The following SMG6 variants were observed in gnomAD, a reference collection of about 807,000 sequenced individuals.
The protein encoded by SMG6 is SMG6 nonsense mediated mRNA decay factor, also known as telomerase-binding protein EST1A.
SMG6 carries 66 observed loss-of-function variants against 142.2 expected under a neutral mutation model. That is an observed-to-expected ratio of 0.46 (90% CI 0.38 to 0.57). SMG6 has a LOEUF of 0.57. Ranked by LOEUF, SMG6 falls within the 20% of genes least tolerant of loss-of-function variation. The pLI, the probability that SMG6 is intolerant of heterozygous loss-of-function variation, is 0.00. For synonymous variants in SMG6, 779 were observed against 702.4 expected (o/e 1.11, Z -1.72); for missense variants, 1,793 against 1,832.0 (o/e 0.98, Z 0.39).
intron 9 of SMG6, among the ~76,000 whole-genome samples, chr17:2,243,579 G>A (rs561644242): frequency 6.6e-6 from 1 of 152,294 alleles, no homozygotes; most frequent in Admixed American, 6.5e-5. Flanking sequence ...TACTTGGGGG[G>A]CTGAGGCAGA....
chr17:2,232,521 C>T (rs2073526566), intron 10 of SMG6, among the ~76,000 whole-genome samples: 1 of 152,164 alleles, frequency 6.6e-6, no homozygotes, highest in Non-Finnish European at 1.5e-5. Context: ...CCCATGCACT[C>T]AGCAAATGCT....
intron 13 of SMG6, among the ~76,000 whole-genome samples, chr17:2,116,984 C>T (rs919121387): frequency 1.3e-5 from 2 of 152,008 alleles, no homozygotes; most frequent in African/African-American, 4.8e-5. Context: ...TATCATTACT[C>T]ATCAGGGAAA....
chr17:2,223,024 G>A (rs967416023), intron 10 of SMG6, among the ~76,000 whole-genome samples: 1 of 152,198 alleles, frequency 6.6e-6, no homozygotes, highest in African/African-American at 2.4e-5. Context: ...TCACAGGTGT[G>A]CCTCAAAGAA....
rs141765290 is a variant in SMG6 at position 2,196,384 on chromosome 17, C to T, written c.2870-7869G>A. Among the ~76,000 whole-genome samples, 712 of 152,256 alleles carry T rather than the reference C, an allele frequency of 4.7e-3. 1 individual carries two copies. The highest frequency in any genetic ancestry group is 7.3e-3 in the Non-Finnish European group (499 of 68,030). ...CGGAGGTTGCAGTGAGCCGAGAATG[C>T]GTCATTGCGCTTCAGCCTGGGTGAC... On this transcript the variant is annotated intron_variant, in intron 10 of 18. Transcript: ENST00000263073.
At chr17:2,177,646 C>T (rs1012533373) in intron 12 of SMG6, among the ~76,000 whole-genome samples, 1 of 152,080 alleles carries the variant, frequency 6.6e-6, no homozygotes, top group Non-Finnish European at 1.5e-5. Context: ...AGAACAAACC[C>T]GGAAAGAGTT....
intron 8 of SMG6, among the ~76,000 whole-genome samples, chr17:2,256,962 ATGTATG>A (rs2074196158): frequency 6.6e-6 from 1 of 151,678 alleles, no homozygotes; most frequent in Non-Finnish European, 1.5e-5. Context: ...GTATGTATGT[ATGTATG>A]TATGTATTTA....
intron 8 of SMG6, among the ~76,000 whole-genome samples, chr17:2,250,074 T>C (rs1166029078): frequency 6.6e-6 from 1 of 152,248 alleles, no homozygotes; most frequent in Non-Finnish European, 1.5e-5. Flanking sequence ...GTAGATGTTT[T>C]ACACAAGCCT....
intron 8 of SMG6, among the ~76,000 whole-genome samples, chr17:2,275,006 CAAAA>C (rs57628038): frequency 4.3e-5 from 5 of 115,916 alleles, no homozygotes; most frequent in Non-Finnish European, 3.9e-5. Context: ...AAAGCATGGG[CAAAA>C]AAAAAAAAAA....
Position 2,297,358 on chromosome 17 carries a change from A to AAAAAG in SMG6, c.2041-10_2041-6dup. 6.3e-7 allele frequency: 1 copy of AAAAAG among 1,581,280 alleles called. No homozygotes were observed. The highest frequency in any genetic ancestry group is 1.1e-5 in the South Asian group (1 of 87,244). ...ACTATCAAAGAAGTCACTACCCTATAAAAAGAAAAAAAGAAATGACTGAAT... is the reference window on the plus strand; with the variant it reads ...ACTATCAAAGAAGTCACTACCCTATAAAAAGAAAAGAAAAAAAGAAATGACTGAAT... On this transcript the variant is annotated splice_polypyrimidine_tract_variant and splice_region_variant and intron_variant, in intron 3 of 18. Coordinates refer to ENST00000263073, the MANE Select transcript of SMG6 (RefSeq NM_017575.5).
intron 18 of SMG6, among the ~76,000 whole-genome samples, chr17:2,064,591 C>G (rs72634004): frequency 0.11 from 16,334 of 152,092 alleles, 1,680 homozygotes; most frequent in East Asian, 0.58. Context: ...TGCCCCAGGC[C>G]TGAAATAGGG....
intron 13 of SMG6, chr17:2,122,215 T>C (rs2069724405): frequency 6.6e-6 from 1 of 151,996 alleles, no homozygotes; most frequent in South Asian, 2.1e-4. Context: ...ATAAGACAAA[T>C]ACAGTAAAAT....
At position 2,065,674 on chromosome 17, in the gene SMG6, T is replaced by TGATC. The variant is rs2067922303; in HGVS notation, c.3837_3840dup (p.Asn1281AspfsTer3). Reference sequence around the variant, plus strand: ...CCCTTGGCCAGGCCGTCCAGCTCATTGATCACTGATGAGATAGAGCCCCAC... The same window carrying TGATC: ...CCCTTGGCCAGGCCGTCCAGCTCATTGATCGATCACTGATGAGATAGAGCCCCAC... On this transcript the variant is annotated frameshift_variant, in exon 17 of 19. Transcript: ENST00000263073. LOFTEE classifies it high-confidence loss of function. The TGATC allele has an allele frequency of 1.2e-6, 2 of 1,611,574 alleles. No homozygotes were observed. Among genetic ancestry groups the TGATC allele is most frequent in the Admixed American group, 1.7e-5 (1 of 59,976 alleles).
chr17:2,147,310 T>C (rs2070699192), intron 13 of SMG6, among the ~76,000 whole-genome samples: 1 of 152,084 alleles, frequency 6.6e-6, no homozygotes, highest in African/African-American at 2.4e-5. Flanking sequence ...GGAGAATCAC[T>C]TGAACCTGGG....
chr17:2,236,646 T>G lies in SMG6; in HGVS notation c.2724-9A>C, dbSNP rs369311477. 10 of 1,606,458 alleles carry G rather than the reference T, an allele frequency of 6.2e-6. No homozygotes were observed. The African/African-American group carries it at 1.3e-4, about 22-fold the overall frequency. On this transcript the variant is annotated splice_polypyrimidine_tract_variant and intron_variant, in intron 9 of 18. Transcript: ENST00000263073. Reference sequence around the variant, plus strand: ...CAGGGAATGTCTCCATCCTGCAGATTCAGAAAACCCATCAATGAGGCACCT... The same window carrying G: ...CAGGGAATGTCTCCATCCTGCAGATGCAGAAAACCCATCAATGAGGCACCT...
intron 10 of SMG6, among the ~76,000 whole-genome samples, chr17:2,231,922 G>GCA (rs2073508332): frequency 6.6e-6 from 1 of 152,086 alleles, no homozygotes; most frequent in African/African-American, 2.4e-5. Flanking sequence ...GGGAGCCAGG[G>GCA]CACAGAAAAG....
intron 12 of SMG6, 115 bp downstream of exon 12, chr17:2,186,548 T>A: frequency 8.3e-7 from 1 of 1,211,840 alleles, no homozygotes; most frequent in East Asian, 2.5e-5. Context: ...AAAGAAGAAA[T>A]AGAGAGGCAG....
At chr17:2,258,250 T>A (rs1463387413) in intron 8 of SMG6, among the ~76,000 whole-genome samples, 1 of 151,908 alleles carries the variant, frequency 6.6e-6, no homozygotes, top group African/African-American at 2.4e-5. Flanking sequence ...TCTTTATTTC[T>A]CGCCTTTTAA....
chr17:2,291,150 T>A (rs1041724385), intron 6 of SMG6, among the ~76,000 whole-genome samples: 3 of 151,976 alleles, frequency 2.0e-5, no homozygotes, highest in African/African-American at 2.4e-5. Context: ...GCTAACACAA[T>A]GAAACCCCGT....
At chr17:2,140,551 T>C (rs1376285190) in intron 13 of SMG6, among the ~76,000 whole-genome samples, 1 of 151,742 alleles carries the variant, frequency 6.6e-6, no homozygotes, top group Non-Finnish European at 1.5e-5. Flanking sequence ...ACGCACCTGT[T>C]GTCCCAGCTA....
Sources: allele counts gnomAD v4.1 joint callset (sites outside exome capture counted in the v4.1 genomes callset), GRCh38; gene constraint gnomAD v4.1.1; transcripts MANE v1.5; gene names NCBI Gene and HGNC (gene_info 2026-07-23, HGNC 2026-07-21).